The following SLC2A13 variants were observed in gnomAD, a reference collection of about 807,000 sequenced individuals.
The protein encoded by SLC2A13 is solute carrier family 2 member 13.
A neutral mutation model predicts 64.4 loss-of-function variants in SLC2A13; 32 were observed. The ratio of observed to expected loss-of-function variants is 0.50; its 90% CI spans 0.37 to 0.67. SLC2A13 has a LOEUF of 0.67. Among genes scored for constraint, SLC2A13 ranks in the 30% least tolerant of loss-of-function variants. SLC2A13 has a pLI of 0.00. For missense variants in SLC2A13, 743 were observed against 829.2 expected (o/e 0.90, Z 1.28); for synonymous variants, 338 against 327.1 (o/e 1.03, Z -0.36).
intron 6 of SLC2A13, among the ~76,000 whole-genome samples, chr12:39,849,143 A>G (rs905422492): frequency 6.6e-6 from 1 of 152,094 alleles, no homozygotes; most frequent in Non-Finnish European, 1.5e-5. Flanking sequence ...CTATATAACA[A>G]ACCTTCACAT....
chr12:40,099,865 A>T (rs1208206762), intron 1 of SLC2A13, among the ~76,000 whole-genome samples: 1 of 152,138 alleles, frequency 6.6e-6, no homozygotes, highest in African/African-American at 2.4e-5. Context: ...CCTGCCTTCA[A>T]AAACAACCAA....
chr12:39,999,475 C>A (rs1487991345), intron 3 of SLC2A13, among the ~76,000 whole-genome samples: 1 of 152,074 alleles, frequency 6.6e-6, no homozygotes, highest in Non-Finnish European at 1.5e-5. Context: ...GAGTGTCTGT[C>A]TTATGCAGTT....
intron 4 of SLC2A13, among the ~76,000 whole-genome samples, chr12:39,883,648 G>A (rs1400028018): frequency 6.6e-6 from 1 of 152,170 alleles, no homozygotes; most frequent in Non-Finnish European, 1.5e-5. Context: ...TATTAAGACT[G>A]TTTTATTTTA....
intron 1 of SLC2A13, among the ~76,000 whole-genome samples, chr12:40,073,615 T>C (rs1938050578): frequency 6.6e-6 from 1 of 152,100 alleles, no homozygotes; most frequent in South Asian, 2.1e-4. Flanking sequence ...CAATTTTCTA[T>C]TTATCCTTGT....
intron 3 of SLC2A13, among the ~76,000 whole-genome samples, chr12:40,006,511 C>T (rs373600569): frequency 6.6e-6 from 1 of 152,030 alleles, no homozygotes; most frequent in East Asian, 1.9e-4. Context: ...TAAATGTAAG[C>T]TTATTAGTAA....
At chr12:40,065,961 C>T (rs1212675302) in intron 1 of SLC2A13, among the ~76,000 whole-genome samples, 2 of 152,138 alleles carry the variant, frequency 1.3e-5, no homozygotes, top group Non-Finnish European at 2.9e-5. Context: ...ACTGTCTAAT[C>T]CTAATATTCA....
Position 39,912,413 on chromosome 12 carries a change from C to G in SLC2A13, c.1034+38844G>C, listed in dbSNP as rs143697516. Among the ~76,000 whole-genome samples the G allele has an allele frequency of 3.0e-4, 45 of 152,102 alleles. No homozygotes were observed. In the East Asian group the frequency reaches 8.5e-3, roughly 29 times the overall value. On this transcript the variant is annotated intron_variant, in intron 4 of 9. Transcript: ENST00000280871. The stretch of plus-strand genomic sequence containing the variant: ...AGCCAAATCCCAGAGATACTACAAA[C>G]AATATGGGATCTTGGCAGTTTTCAG...
intron 1 of SLC2A13, among the ~76,000 whole-genome samples, chr12:40,073,851 C>A (rs1938059780): frequency 6.6e-6 from 1 of 151,988 alleles, no homozygotes; most frequent in Non-Finnish European, 1.5e-5. Context: ...AAATGACATG[C>A]CTTCACATAG....
At chr12:39,865,626 A>G (rs1943887158) in intron 5 of SLC2A13, among the ~76,000 whole-genome samples, 1 of 152,194 alleles carries the variant, frequency 6.6e-6, no homozygotes. Flanking sequence ...AGCCACAGAC[A>G]TTGTGAGGGT....
At chr12:39,777,092 G>C (rs951921794) in intron 7 of SLC2A13, among the ~76,000 whole-genome samples, 1 of 152,124 alleles carries the variant, frequency 6.6e-6, no homozygotes, top group Non-Finnish European at 1.5e-5. Flanking sequence ...ATCATATTCG[G>C]AATCTGCGTC....
intron 1 of SLC2A13, among the ~76,000 whole-genome samples, chr12:40,089,571 A>G (rs1432735508): frequency 1.3e-5 from 2 of 152,126 alleles, no homozygotes; most frequent in Non-Finnish European, 2.9e-5. Flanking sequence ...TACAAGGAAG[A>G]CTTCTTCATC....
At chr12:39,935,493 G>C (rs181506842) in intron 4 of SLC2A13, among the ~76,000 whole-genome samples, 1 of 152,286 alleles carries the variant, frequency 6.6e-6, no homozygotes, top group East Asian at 1.9e-4. Context: ...CTCTGGATAT[G>C]AACAGAATAA....
intron 6 of SLC2A13, chr12:39,830,495 G>C: frequency 8.6e-7 from 1 of 1,161,432 alleles, no homozygotes; most frequent in Non-Finnish European, 1.1e-6. Flanking sequence ...ATGTAGAAGA[G>C]TCCCCATCAA....
chr12:39,799,946 C>T (rs1218112916), intron 7 of SLC2A13, among the ~76,000 whole-genome samples: 2 of 152,134 alleles, frequency 1.3e-5, no homozygotes, highest in Non-Finnish European at 2.9e-5. Flanking sequence ...AAGAAGTGTT[C>T]CCCATGTGCA....
chr12:39,930,332 T>A (rs1455739037), intron 4 of SLC2A13, among the ~76,000 whole-genome samples: 2 of 152,024 alleles, frequency 1.3e-5, no homozygotes, highest in Non-Finnish European at 1.5e-5. Context: ...GTAAATTTAA[T>A]CACAGTGCAC....
chr12:39,881,734 T>C (rs752286061), intron 4 of SLC2A13, among the ~76,000 whole-genome samples: 16 of 152,188 alleles, frequency 1.1e-4, no homozygotes, highest in Non-Finnish European at 2.1e-4. Flanking sequence ...TTTTCTCTCA[T>C]ATTTTAGATA....
chr12:39,947,950 G>A (rs10877823), intron 4 of SLC2A13, among the ~76,000 whole-genome samples: 29,179 of 151,964 alleles, frequency 0.19, 2,980 homozygotes, highest in Middle Eastern at 0.25. Context: ...ATGAGCCACC[G>A]CGCCTGGCCG....
At chr12:39,797,724 G>C (rs1237295160) in intron 7 of SLC2A13, among the ~76,000 whole-genome samples, 3 of 105,294 alleles carry the variant, frequency 2.8e-5, no homozygotes, top group Non-Finnish European at 5.8e-5. Context: ...GCCAGTTATG[G>C]TAAACACACA....
intron 7 of SLC2A13, among the ~76,000 whole-genome samples, chr12:39,808,993 C>T (rs11173671): frequency 0.093 from 14,160 of 152,006 alleles, 776 homozygotes; most frequent in Middle Eastern, 0.13. Flanking sequence ...ACCCTGATGT[C>T]GCAAAGATTT....
Sources: gnomAD v4.1 joint callset for allele counts (sites outside exome capture counted in the v4.1 genomes callset) on GRCh38, gnomAD v4.1.1 for gene constraint, MANE v1.5 for transcripts, NCBI Gene and HGNC (gene_info 2026-07-23, HGNC 2026-07-21) for gene names.